The following KIAA1614 variants were observed in gnomAD, a reference collection of about 807,000 sequenced individuals.
KIAA1614 encodes the protein KIAA1614.
KIAA1614 carries 76 observed loss-of-function variants against 88.7 expected under a neutral mutation model. The observed-to-expected ratio is 0.86, with a 90% CI of 0.71 to 1.04. KIAA1614 has a LOEUF of 1.04. Among genes scored for constraint, KIAA1614 ranks in the 50% least tolerant of loss-of-function variants. The pLI, the probability that KIAA1614 is intolerant of heterozygous loss-of-function variation, is 0.00. For synonymous variants in KIAA1614, 714 were observed against 675.5 expected, an observed-to-expected ratio of 1.06 and a Z score of -0.88; for missense variants, 1,553 against 1,582.5, an observed-to-expected ratio of 0.98 and a Z score of 0.32.
rs111709771 is a variant in KIAA1614, at chr1:180,928,504, G to A, written c.1136G>A (p.Arg379His). The part of the protein sequence containing the change: ...EEATHLLQRA[R>H]MKARTRPLRA... The stretch of plus-strand genomic sequence containing the variant: ...GCCACGCATCTGCTGCAGCGTGCCC[G>A]CATGAAGGCCAGGACCCGGCCCCTC... The change falls in exon 4 of 9, where the codon CGC (arginine) becomes CAC (histidine). Residue 379 changes from arginine (R) to histidine (H), a missense_variant. Physicochemically the swap from Arg to His is conservative, Grantham distance 29 (BLOSUM62 0). Coordinates refer to ENST00000367588, the MANE Select transcript of KIAA1614 (RefSeq NM_020950.2). 40 of 1,613,050 alleles carry A rather than the reference G, an allele frequency of 2.5e-5. No homozygotes were observed. The highest frequency in any genetic ancestry group is 1.7e-4 in the Middle Eastern group (1 of 6,052).
At chr1:180,940,729 C>CT (rs1275644990) in intron 6 of KIAA1614, among the ~76,000 whole-genome samples, 3 of 142,832 alleles carry the variant, frequency 2.1e-5, no homozygotes, top group Non-Finnish European at 3.1e-5. Flanking sequence ...TCTTTCTTTT[C>CT]TTTTTTTTGG....
Position 180,935,017 on chromosome 1 carries a change from G to T in KIAA1614, c.1206-98G>T. 1.1e-6 allele frequency: 1 copy of T among 888,720 alleles called. No homozygotes were observed. Among genetic ancestry groups the T allele is most frequent in the Non-Finnish European group, 1.5e-6 (1 of 656,042 alleles). 55.1% of individuals were successfully genotyped at this position (888,720 alleles called of 1,614,324 possible). On this transcript the variant is annotated intron_variant, in intron 4 of 8. Transcript: ENST00000367588. The surrounding 1 kb of genome is among the most constrained non-coding windows in gnomAD (Gnocchi z 6.1). ...GGTTGCGGTTGCCACAGAGCACGGT[G>T]GGAGACTGTAGCCCAGGGTGGAGAG...
chr1:180,916,053 A>G (rs555584886), intron 1 of KIAA1614, 101 bp from the exon 2 acceptor site: 4 of 737,570 alleles, frequency 5.4e-6, no homozygotes, highest in East Asian at 5.4e-5. Context: ...GGTTACTTTC[A>G]TCTGGACAGG....
Position 180,913,235 on chromosome 1 carries a change from C to T in KIAA1614, c.-9C>T, listed in dbSNP as rs965229050. The T allele has an allele frequency of 7.9e-7, 1 of 1,263,680 alleles. No homozygotes were observed. The highest frequency in any genetic ancestry group is 1.0e-6 in the Non-Finnish European group (1 of 998,518). The allele number at this position is 1,263,680 out of a possible 1,614,324, so 78.3% of individuals were successfully genotyped here. On this transcript the variant is annotated 5_prime_UTR_variant, in exon 1 of 9. Coordinates refer to ENST00000367588, the MANE Select transcript of KIAA1614 (RefSeq NM_020950.2). ...GAAGGGGCTGGAGAGGGCCTGGCCTCTCCGAGGGATGGAGGGGACAGAGGC... is the reference window on the plus strand; with the variant it reads ...GAAGGGGCTGGAGAGGGCCTGGCCTTTCCGAGGGATGGAGGGGACAGAGGC...
Position 180,916,150 on chromosome 1 carries a change from C to T in KIAA1614, c.51-4C>T. 6.5e-7 allele frequency: 1 copy of T among 1,541,584 alleles called. No homozygotes were observed. Among genetic ancestry groups the T allele is most frequent in the Non-Finnish European group, 8.7e-7 (1 of 1,145,588 alleles). ...TTAGGAACTCTGTCTGTTTTCTCCT[C>T]CAGAGGGCCCAAGACAGGGAGTGGA... is the stretch of plus-strand genomic sequence containing the variant. On this transcript the variant is annotated splice_polypyrimidine_tract_variant and splice_region_variant and intron_variant, in intron 1 of 8. Coordinates refer to ENST00000367588, the MANE Select transcript of KIAA1614 (RefSeq NM_020950.2).
chr1:180,944,470 A>G lies in KIAA1614; in HGVS notation c.3241A>G (p.Ser1081Gly). 2 of 1,613,946 alleles carry G rather than the reference A, an allele frequency of 1.2e-6. No homozygotes were observed. The highest frequency in any genetic ancestry group is 1.7e-6 in the Non-Finnish European group (2 of 1,179,874). ...GCTGAGCAGCAAGGGGAACCGGTCC[A>G]GCCTCTACCTGGTAGCAGGGCCAGG... ...SLLSSKGNRSSLYLVAGPGDH... is the reference protein window; with the variant it reads ...SLLSSKGNRSGLYLVAGPGDH... Residue 1081 changes from serine (S) to glycine (G), a missense_variant, in exon 8 of 9, where the codon AGC (serine) becomes GGC (glycine). By Grantham distance (56) the Ser-to-Gly change is moderately conservative. Coordinates refer to ENST00000367588, the MANE Select transcript of KIAA1614 (RefSeq NM_020950.2).
chr1:180,916,910 G>T lies in KIAA1614; in HGVS notation c.807G>T (p.Thr269=). The change falls in exon 2 of 9, where the codon ACG becomes ACT. Residue 269 remains threonine, a synonymous_variant. Coordinates refer to ENST00000367588, the MANE Select transcript of KIAA1614 (RefSeq NM_020950.2). Reference sequence around the variant, plus strand: ...CCGAGGAGGTCTTTGTCCCCAGGACGGCCCTGCTGGGTGAGCGCTGGAGAG... The same window carrying T: ...CCGAGGAGGTCTTTGTCCCCAGGACTGCCCTGCTGGGTGAGCGCTGGAGAG... ...LTSEEVFVPR[T]ALLGERWRAG... is the part of the protein sequence containing the mutation. 6.2e-7 allele frequency: 1 copy of T among 1,614,246 alleles called. No individual in the cohort carries two copies. Among genetic ancestry groups the T allele is most frequent in the Non-Finnish European group, 8.5e-7 (1 of 1,180,048 alleles).
intron 3 of KIAA1614, among the ~76,000 whole-genome samples, chr1:180,918,650 G>A (rs763060682): frequency 5.3e-5 from 8 of 152,166 alleles, no homozygotes; most frequent in Non-Finnish European, 1.2e-4. Context: ...TGGAGCTCTC[G>A]TTTCCCCAGC....
intron 3 of KIAA1614, among the ~76,000 whole-genome samples, chr1:180,927,756 T>C (rs1409556414): frequency 6.6e-6 from 1 of 152,178 alleles, no homozygotes; most frequent in African/African-American, 2.4e-5. Flanking sequence ...CTTATTATTA[T>C]GAAAGTCGAA....
Position 180,916,600 on chromosome 1 carries a change from GC to G in KIAA1614, c.501del (p.Arg168GlyfsTer82). ...INEEQPARDG[G>X]PRLPRPPAPG... Reference sequence around the variant, plus strand: ...GAGGAGCAACCCGCCAGGGATGGAGGCCCCAGGCTTCCCAGGCCGCCTGCCC... The same window carrying G: ...GAGGAGCAACCCGCCAGGGATGGAGGCCCAGGCTTCCCAGGCCGCCTGCCC... On this transcript the variant is annotated frameshift_variant, in exon 2 of 9. Transcript: ENST00000367588. LOFTEE classifies it high-confidence loss of function. The G allele has an allele frequency of 6.2e-7, 1 of 1,604,250 alleles. No individual in the cohort carries two copies. Among genetic ancestry groups the G allele is most frequent in the Non-Finnish European group, 8.5e-7 (1 of 1,174,318 alleles).
chr1:180,940,667 A>ACT (rs556894307), intron 6 of KIAA1614, among the ~76,000 whole-genome samples: 16 of 115,262 alleles, frequency 1.4e-4, no homozygotes, highest in South Asian at 1.2e-3. Context: ...CTTTTCCTTT[A>ACT]CTCTCTCTCT....
At chr1:180,920,210 A>C (rs1390802868) in intron 3 of KIAA1614, among the ~76,000 whole-genome samples, 1 of 152,168 alleles carries the variant, frequency 6.6e-6, no homozygotes, top group Admixed American at 6.5e-5. Flanking sequence ...GGTGGTCCCC[A>C]AGACCCTGCA....
chr1:180,938,717 TGACAGGAGAAAGAGCCAGATTGCA>T lies in KIAA1614; in HGVS notation c.2918+9_2918+32del. 1 of 1,612,736 alleles carries T rather than the reference TGACAGGAGAAAGAGCCAGATTGCA, an allele frequency of 6.2e-7. No homozygotes were observed. The highest frequency in any genetic ancestry group is 1.3e-5 in the African/African-American group (1 of 74,922). On this transcript the variant is annotated splice_region_variant and intron_variant, in intron 6 of 8. Transcript: ENST00000367588. ...GGAGGACATGTGCTGTCAAGGTGAG[TGACAGGAGAAAGAGCCAGATTGCA>T]GAAGGAGGTGGGAATGGGGGCTCTG...
At chr1:180,921,456 G>A (rs1166606683) in intron 3 of KIAA1614, among the ~76,000 whole-genome samples, 6 of 152,128 alleles carry the variant, frequency 3.9e-5, no homozygotes, top group African/African-American at 7.2e-5. Context: ...CCTCTGTGGC[G>A]GGGGGAGTTA....
At chr1:180,927,163 G>A (rs895582469) in intron 3 of KIAA1614, among the ~76,000 whole-genome samples, 1 of 152,144 alleles carries the variant, frequency 6.6e-6, no homozygotes, top group Non-Finnish European at 1.5e-5. Context: ...TGTCACCCAG[G>A]AAACTGCCTG....
At chr1:180,930,737 C>A (rs1379179477) in intron 4 of KIAA1614, among the ~76,000 whole-genome samples, 1 of 152,226 alleles carries the variant, frequency 6.6e-6, no homozygotes, top group Non-Finnish European at 1.5e-5. Flanking sequence ...TGCAAGGTGA[C>A]CCACTTTAGC....
intron 3 of KIAA1614, among the ~76,000 whole-genome samples, chr1:180,920,965 A>G (rs1182858055): frequency 6.6e-6 from 1 of 152,174 alleles, no homozygotes; most frequent in African/African-American, 2.4e-5. Context: ...ATGTGGCAAG[A>G]GCTATGCTAA....
At chr1:180,921,454 G>GC (rs1653950692) in intron 3 of KIAA1614, among the ~76,000 whole-genome samples, 3 of 152,192 alleles carry the variant, frequency 2.0e-5, no homozygotes, top group South Asian at 2.1e-4. Flanking sequence ...GACCTCTGTG[G>GC]CGGGGGGAGT....
intron 3 of KIAA1614, among the ~76,000 whole-genome samples, chr1:180,926,474 GAAAAAAA>G (rs60582450): frequency 1.2e-4 from 15 of 126,890 alleles, no homozygotes; most frequent in African/African-American, 2.5e-4. Flanking sequence ...CAGCTGATGA[GAAAAAAA>G]AAAAAAAAAA....
Sources: allele counts gnomAD v4.1 joint callset (sites outside exome capture counted in the v4.1 genomes callset), GRCh38; gene constraint gnomAD v4.1.1; non-coding constraint Gnocchi (gnomAD v3.1); transcripts MANE v1.5; gene names NCBI Gene and HGNC (gene_info 2026-07-23, HGNC 2026-07-21).